The following LINC00237 variants were observed in gnomAD, a reference collection of about 807,000 sequenced individuals.
The protein encoded by LINC00237 is long intergenic non-protein coding RNA 237.
chr20:21,094,496 G>A (rs966037017), intron 1 of LINC00237, among the ~76,000 whole-genome samples: 28 of 152,294 alleles, frequency 1.8e-4, no homozygotes, highest in Middle Eastern at 3.4e-3. Flanking sequence ...GAAGACCCCC[G>A]TGGACTAGCA....
chr20:21,099,830 T>C (rs1438989276), intron 1 of LINC00237, among the ~76,000 whole-genome samples: 1 of 152,238 alleles, frequency 6.6e-6, no homozygotes, highest in Admixed American at 6.5e-5. Context: ...TGAATAGTCA[T>C]TGGGCTGCCA....
intron 1 of LINC00237, among the ~76,000 whole-genome samples, chr20:21,098,487 A>G (rs191472118): frequency 2.6e-5 from 4 of 152,354 alleles, no homozygotes; most frequent in Non-Finnish European, 4.4e-5. Context: ...TAATTCTTCA[A>G]TTGAGCCCAG....
intron 1 of LINC00237, among the ~76,000 whole-genome samples, chr20:21,104,955 T>A (rs555745733): frequency 6.6e-6 from 1 of 152,302 alleles, no homozygotes; most frequent in Non-Finnish European, 1.5e-5. Context: ...CCTCCAAATA[T>A]CTGGAGAAGC....
chr20:21,092,308 C>T (rs1359934450), intron 2 of LINC00237, among the ~76,000 whole-genome samples: 4 of 152,270 alleles, frequency 2.6e-5, no homozygotes, highest in South Asian at 2.1e-4. Context: ...TACCAACATT[C>T]GTATCTGACG....
intron 1 of LINC00237, among the ~76,000 whole-genome samples, chr20:21,095,402 T>C (rs910192583): frequency 1.6e-4 from 24 of 151,970 alleles, no homozygotes; most frequent in African/African-American, 4.6e-4. Flanking sequence ...AATGGAATTG[T>C]GAAAAAAAAT....
chr20:21,101,610 G>T lies in LINC00237; in HGVS notation n.88+4661C>A. 1 of 152,506 alleles carries T rather than the reference G, an allele frequency of 6.6e-6. No individual in the cohort carries two copies. The highest frequency in any genetic ancestry group is 1.5e-5 in the Non-Finnish European group (1 of 68,166). The allele number at this position is 152,506 out of a possible 1,614,324, so 9.4% of individuals were successfully genotyped here. A position where few individuals can be genotyped will look rare whatever the true frequency, so the allele number is the denominator to read the frequency against. ...GTTGGAGTAGCCACGCTAGCGGCTAGGCCGTTCCACCGGGTAGCTCCGCCC... is the reference window on the plus strand; with the variant it reads ...GTTGGAGTAGCCACGCTAGCGGCTATGCCGTTCCACCGGGTAGCTCCGCCC... On this transcript the variant is annotated intron_variant and non_coding_transcript_variant, in intron 1 of 3. Coordinates refer to ENST00000691244, the Ensembl canonical transcript of LINC00237. The surrounding 1 kb of genome is among the most constrained non-coding windows in gnomAD (Gnocchi z 4.3).
At chr20:21,095,751 A>G (rs1399771535) in intron 1 of LINC00237, among the ~76,000 whole-genome samples, 1 of 152,158 alleles carries the variant, frequency 6.6e-6, no homozygotes, top group Non-Finnish European at 1.5e-5. Context: ...TTACCTGTCT[A>G]CATCAGCGTG....
intron 1 of LINC00237, among the ~76,000 whole-genome samples, chr20:21,097,805 T>A (rs1363181826): frequency 6.6e-6 from 1 of 152,146 alleles, no homozygotes; most frequent in African/African-American, 2.4e-5. Flanking sequence ...GTGTTGAAAA[T>A]ATGTGTCTAA....
At chr20:21,088,978 C>T (rs1383639649) in intron 2 of LINC00237, among the ~76,000 whole-genome samples, 1 of 151,890 alleles carries the variant, frequency 6.6e-6, no homozygotes, top group African/African-American at 2.4e-5. Flanking sequence ...CAGATTGTAG[C>T]GACCCCAATT....
intron 1 of LINC00237, among the ~76,000 whole-genome samples, chr20:21,095,141 G>A (rs2030840572): frequency 6.6e-6 from 1 of 152,182 alleles, no homozygotes. Flanking sequence ...TTGACCAGTA[G>A]AATGAGATGG....
At chr20:21,086,503 A>G (rs1238016138) in intron 3 of LINC00237, among the ~76,000 whole-genome samples, 1 of 146,990 alleles carries the variant, frequency 6.8e-6, no homozygotes, top group Non-Finnish European at 1.5e-5. Context: ...ATATAGAGAG[A>G]GATACATATC....
intron 2 of LINC00237, chr20:21,093,377 G>A (rs916431693): frequency 6.6e-6 from 1 of 152,182 alleles, no homozygotes; most frequent in African/African-American, 2.4e-5. Flanking sequence ...ATCTGAGGAA[G>A]TCTTGTCAAT....
At chr20:21,099,416 G>C (rs1325783614) in intron 1 of LINC00237, among the ~76,000 whole-genome samples, 4 of 152,188 alleles carry the variant, frequency 2.6e-5, no homozygotes. Flanking sequence ...CACCTACCTT[G>C]GTTCCTTTCA....
chr20:21,089,550 C>G (rs538748843), intron 2 of LINC00237: 1 of 152,240 alleles, frequency 6.6e-6, no homozygotes, highest in African/African-American at 2.4e-5. Flanking sequence ...AATTCTCTCC[C>G]TGAAGGTGTT....
At position 21,101,902 on chromosome 20, in the gene LINC00237, G is replaced by A. The variant is rs900438278; in HGVS notation, n.88+4369C>T. ...TTGGGGGCGGAGTGCGGCGAGGGGT[G>A]AGGGCGCGACCGCCTTGGGGCAGGG... On this transcript the variant is annotated intron_variant and non_coding_transcript_variant, in intron 1 of 3. Coordinates refer to ENST00000691244, the Ensembl canonical transcript of LINC00237. This position sits in a 1 kb window ranked among gnomAD's most constrained non-coding sequence, Gnocchi z 4.3. Among the ~76,000 whole-genome samples the A allele has an allele frequency of 1.2e-4, 18 of 152,206 alleles. No individual in the cohort carries two copies. Among genetic ancestry groups the A allele is most frequent in the Non-Finnish European group, 1.9e-4 (13 of 68,040 alleles).
chr20:21,105,051 GCACCTGGAGCCCGAAGCACCGGA>G (rs1367004471), intron 1 of LINC00237, among the ~76,000 whole-genome samples: 10 of 152,168 alleles, frequency 6.6e-5, no homozygotes, highest in Admixed American at 5.9e-4. Context: ...TTCGGCCACT[GCACCTGGAGCCCGAAGCACCGGA>G]CACCAGGCGC....
At chr20:21,097,744 T>C (rs1464075226) in intron 1 of LINC00237, among the ~76,000 whole-genome samples, 1 of 152,216 alleles carries the variant, frequency 6.6e-6, no homozygotes, top group African/African-American at 2.4e-5. Flanking sequence ...TTTCCTGTTA[T>C]GCTCAACAAA....
intron 1 of LINC00237, among the ~76,000 whole-genome samples, chr20:21,094,448 A>G (rs1424962665): frequency 6.6e-6 from 1 of 152,232 alleles, no homozygotes; most frequent in Non-Finnish European, 1.5e-5. Flanking sequence ...ACAAGTGTGT[A>G]TAATAAGAAG....
rs2030931931 is a variant in LINC00237 at position 21,101,567 on chromosome 20, C to T, written n.88+4704G>A. ...GGACGCAGTCCGCGGCCGCCAGCTC[C>T]AGGGGCTCGGGCCCCAGGTTGGAGT... On this transcript the variant is annotated intron_variant and non_coding_transcript_variant, in intron 1 of 3. Coordinates refer to ENST00000691244, the Ensembl canonical transcript of LINC00237. This position sits in a 1 kb window ranked among gnomAD's most constrained non-coding sequence, Gnocchi z 4.3. The T allele has an allele frequency of 6.6e-6, 1 of 152,392 alleles. No individual in the cohort carries two copies. The highest frequency in any genetic ancestry group is 6.5e-5 in the Admixed American group (1 of 15,286). 9.4% of individuals were successfully genotyped at this position (152,392 alleles called of 1,614,324 possible).
Sources: gnomAD v4.1 joint callset for allele counts (sites outside exome capture counted in the v4.1 genomes callset) on GRCh38, gnomAD v4.1.1 for gene constraint, Gnocchi (gnomAD v3.1) non-coding constraint, MANE v1.5 for transcripts, NCBI Gene and HGNC (gene_info 2026-07-23, HGNC 2026-07-21) for gene names.